Variants in GARRE1 observed in about 807,000 individuals in gnomAD.
GARRE1 encodes the protein granule associated Rac and RHOG effector 1.
GARRE1 carries 49 observed loss-of-function variants against 103.2 expected under a neutral mutation model. The ratio of observed to expected loss-of-function variants is 0.47; its 90% CI spans 0.38 to 0.60. GARRE1 has a LOEUF of 0.60. Ranked by LOEUF, GARRE1 falls within the 20% of genes least tolerant of loss-of-function variation. The probability of loss-of-function intolerance (pLI) is 0.00; values close to 1 mark genes in which losing one functional copy is unlikely to be tolerated. For synonymous variants in GARRE1, 505 were observed against 532.8 expected (o/e 0.95, Z 0.72); for missense variants, 1,199 against 1,370.5 (o/e 0.87, Z 1.98).
intron 13 of GARRE1, 49 bp from the exon 14 acceptor site, chr19:34,352,598 G>A: frequency 6.7e-7 from 1 of 1,500,844 alleles, no homozygotes; most frequent in Non-Finnish European, 9.2e-7. Context: ...GGTGGGAAAT[G>A]ATGATACATT....
chr19:34,325,313 G>T (rs1270424953), intron 3 of GARRE1, among the ~76,000 whole-genome samples: 1 of 152,156 alleles, frequency 6.6e-6, no homozygotes, highest in Non-Finnish European at 1.5e-5. Flanking sequence ...TGTGTGATCA[G>T]TGAGCAGCCC....
At chr19:34,275,741 A>T (rs2073813378) in intron 1 of GARRE1, among the ~76,000 whole-genome samples, 1 of 152,222 alleles carries the variant, frequency 6.6e-6, no homozygotes. Flanking sequence ...ATATATACCT[A>T]GGAGTAAAAT....
chr19:34,322,627 G>A (rs189658434), intron 3 of GARRE1, among the ~76,000 whole-genome samples: 120 of 151,940 alleles, frequency 7.9e-4, no homozygotes, highest in Non-Finnish European at 1.3e-3. Flanking sequence ...TTGCTCCTTC[G>A]CCCAGGCTGG....
chr19:34,286,537 T>G (rs1447883838), intron 1 of GARRE1, among the ~76,000 whole-genome samples: 4 of 145,034 alleles, frequency 2.8e-5, no homozygotes, highest in Non-Finnish European at 4.5e-5. Context: ...TGTATTCTTT[T>G]TTTTTTTTTT....
At position 34,341,692 on chromosome 19, in the gene GARRE1, A is replaced by C. The variant is rs964885728; in HGVS notation, c.1758A>C (p.Thr586=). The change falls in exon 10 of 14, where the codon ACA becomes ACC. Residue 586 remains threonine (T), a synonymous_variant. Coordinates refer to ENST00000299505, the MANE Select transcript of GARRE1 (RefSeq NM_014686.5). ...CCAAAATGCCTGGCAATATTGATAC[A>C]AGGTTACAAAGCATTTTGAACATTG... is the stretch of plus-strand genomic sequence containing the variant. ...EKAKMPGNID[T]RLQSILNIGN... 1.2e-6 allele frequency: 2 copies of C among 1,614,210 alleles called. No homozygotes were observed. Among genetic ancestry groups the C allele is most frequent in the Non-Finnish European group, 1.7e-6 (2 of 1,180,036 alleles).
At chr19:34,340,576 A>G (rs1257173134) in intron 9 of GARRE1, among the ~76,000 whole-genome samples, 2 of 151,942 alleles carry the variant, frequency 1.3e-5, no homozygotes, top group African/African-American at 2.4e-5. Flanking sequence ...GCTCACTGCA[A>G]TATTGCTCTC....
At chr19:34,281,493 A>C (rs1441299151) in intron 1 of GARRE1, among the ~76,000 whole-genome samples, 1 of 152,020 alleles carries the variant, frequency 6.6e-6, no homozygotes, top group East Asian at 1.9e-4. Context: ...GTTTCACCAT[A>C]TTGGCCAGGC....
At position 34,346,960 on chromosome 19, in the gene GARRE1, G is replaced by C. The variant is rs930944523; in HGVS notation, c.2522-917G>C. 4.6e-5 allele frequency among the ~76,000 whole-genome samples: 7 copies of C among 151,860 alleles called. No individual in the cohort carries two copies. In the East Asian group the frequency reaches 1.2e-3, roughly 25 times the overall value. ...GTTTTTAAAGACAGGGTCTAGCTCT[G>C]TCTCTCAGGCTGGAGTGCAGTGGCG... On this transcript the variant is annotated intron_variant, in intron 10 of 13. Transcript: ENST00000299505.
At chr19:34,276,313 G>A (rs1297077242) in intron 1 of GARRE1, among the ~76,000 whole-genome samples, 2 of 152,198 alleles carry the variant, frequency 1.3e-5, no homozygotes, top group African/African-American at 2.4e-5. Context: ...AAAGTGCTGG[G>A]ATTACAGGGG....
At chr19:34,265,486 CTTGGGG>C (rs2073746219) in intron 1 of GARRE1, 1 of 152,204 alleles carries the variant, frequency 6.6e-6, no homozygotes, top group African/African-American at 2.4e-5. Flanking sequence ...CTGCCTTTGG[CTTGGGG>C]TTGAAAGAGG....
At chr19:34,291,163 C>T (rs991194739) in intron 1 of GARRE1, among the ~76,000 whole-genome samples, 3 of 152,050 alleles carry the variant, frequency 2.0e-5, no homozygotes, top group South Asian at 4.1e-4. Context: ...CCACCTCAGC[C>T]TCCCAAAGTG....
At chr19:34,351,716 C>T (rs1441887628) in intron 13 of GARRE1, 124 bp downstream of exon 13, 2 of 688,830 alleles carry the variant, frequency 2.9e-6, no homozygotes, top group Non-Finnish European at 2.6e-6. Flanking sequence ...GATTAGCCAC[C>T]TCAGCTGACT....
chr19:34,348,213 GCTGA>G (rs1235298632), intron 11 of GARRE1, 171 bp downstream of exon 11: 9 of 476,564 alleles, frequency 1.9e-5, no homozygotes, highest in Non-Finnish European at 2.1e-5. Flanking sequence ...GAGTCATGTG[GCTGA>G]CTGTTAGATG....
chr19:34,338,793 CGAT>C (rs2074172317), intron 8 of GARRE1, among the ~76,000 whole-genome samples: 1 of 152,080 alleles, frequency 6.6e-6, no homozygotes, highest in African/African-American at 2.4e-5. Flanking sequence ...ATTTCAATCA[CGAT>C]GATATCCCAT....
chr19:34,280,664 CT>C (rs1599753432), intron 1 of GARRE1, among the ~76,000 whole-genome samples: 2 of 152,120 alleles, frequency 1.3e-5, no homozygotes, highest in Admixed American at 6.6e-5. Context: ...ATTTTCACCC[CT>C]AAATGGTTAT....
At chr19:34,350,735 C>G (rs1029836267) in intron 12 of GARRE1, among the ~76,000 whole-genome samples, 1 of 152,102 alleles carries the variant, frequency 6.6e-6, no homozygotes, top group Non-Finnish European at 1.5e-5. Context: ...GCGCCCACCA[C>G]CATGCCCGGC....
At chr19:34,310,140 G>C (rs1310642312) in intron 2 of GARRE1, among the ~76,000 whole-genome samples, 1 of 152,242 alleles carries the variant, frequency 6.6e-6, no homozygotes, top group Non-Finnish European at 1.5e-5. Flanking sequence ...TTGGTGGGCA[G>C]ATTAGAAGGA....
intron 2 of GARRE1, among the ~76,000 whole-genome samples, chr19:34,315,788 A>G (rs1420182947): frequency 6.6e-6 from 1 of 152,076 alleles, no homozygotes. Context: ...CTGTTTTACA[A>G]TCTGAATAAA....
chr19:34,292,994 C>G (rs2073926592), intron 1 of GARRE1, among the ~76,000 whole-genome samples: 1 of 152,150 alleles, frequency 6.6e-6, no homozygotes, highest in Non-Finnish European at 1.5e-5. Context: ...CAGTCATGAG[C>G]TACTGAATTC....
Sources: allele counts gnomAD v4.1 joint callset (sites outside exome capture counted in the v4.1 genomes callset), GRCh38; gene constraint gnomAD v4.1.1; transcripts MANE v1.5; gene names NCBI Gene and HGNC (gene_info 2026-07-23, HGNC 2026-07-21).